The following RNF214 variants were observed in gnomAD, a reference collection of about 807,000 sequenced individuals.
RNF214 encodes ring finger protein 214.
In RNF214, 25 loss-of-function variants were observed where a neutral mutation model predicts 75.9. That is an observed-to-expected ratio of 0.33 (90% CI 0.24 to 0.46). The LOEUF is 0.46. Ranked by LOEUF, RNF214 falls within the 20% of genes least tolerant of loss-of-function variation. The probability of loss-of-function intolerance (pLI) is 1.00; values close to 1 mark genes in which losing one functional copy is unlikely to be tolerated. For synonymous variants in RNF214, 314 were observed against 308.8 expected (o/e 1.02, Z -0.18); for missense variants, 725 against 857.5 (o/e 0.85, Z 1.93).
At chr11:117,256,901 A>G (rs933155430) in intron 6 of RNF214, among the ~76,000 whole-genome samples, 1 of 152,168 alleles carries the variant, frequency 6.6e-6, no homozygotes, top group African/African-American at 2.4e-5. Flanking sequence ...TATCTTCTAG[A>G]TACGGGAAAT....
chr11:117,281,971 A>G lies in RNF214; in HGVS notation c.1413A>G (p.Thr471=), dbSNP rs775628723. 3 of 1,614,086 alleles carry G rather than the reference A, an allele frequency of 1.9e-6. No homozygotes were observed. The highest frequency in any genetic ancestry group is 1.7e-6 in the Non-Finnish European group (2 of 1,179,994). ...TGCCCTTCTCCATTGGGCAGGTCACAATGCCCATGGTTATGCCCAGTGCAG... is the reference window on the plus strand; with the variant it reads ...TGCCCTTCTCCATTGGGCAGGTCACGATGCCCATGGTTATGCCCAGTGCAG... The part of the protein sequence containing the change: ...PRMPFSIGQV[T]MPMVMPSADP... Residue 471 remains threonine, a synonymous_variant, in exon 11 of 15, where the codon ACA becomes ACG. Transcript: ENST00000300650.
At chr11:117,281,534 G>A in intron 9 of RNF214, 66 bp from the exon 10 acceptor site, 1 of 1,425,788 alleles carries the variant, frequency 7.0e-7, no homozygotes, top group Admixed American at 1.7e-5. Flanking sequence ...CCTGATAATG[G>A]ATGGTGCTGT....
chr11:117,239,041 G>A lies in RNF214; in HGVS notation c.548G>A (p.Gly183Glu), dbSNP rs1355117776. 2 of 1,614,150 alleles carry A rather than the reference G, an allele frequency of 1.2e-6. No individual in the cohort carries two copies. Among genetic ancestry groups the A allele is most frequent in the East Asian group, 4.5e-5 (2 of 44,894 alleles). The change falls in exon 3 of 15, where the codon GGA becomes GAA. Residue 183 changes from glycine (G) to glutamate (E), a missense_variant. Physicochemically the swap from Gly to Glu is moderately conservative, Grantham distance 98. This residue lies in a region of RNF214 where 362 missense variants were observed against 344.5 expected (regional missense o/e 1.05). Transcript: ENST00000300650. The stretch of plus-strand genomic sequence containing the variant: ...GTGTCTCCAGCAAATGGGGTTGAAG[G>A]AGTCCGAGTGGATCAGGATGATGAT... The part of the protein sequence containing the change: ...PVVSPANGVE[G>E]VRVDQDDDQD...
At chr11:117,242,575 G>A (rs1591819135) in intron 4 of RNF214, among the ~76,000 whole-genome samples, 2 of 152,200 alleles carry the variant, frequency 1.3e-5, no homozygotes, top group Admixed American at 6.5e-5. Context: ...CAGTGAGGCC[G>A]GGTGCAGTGG....
chr11:117,250,657 C>T (rs1265410065), intron 6 of RNF214, among the ~76,000 whole-genome samples: 2 of 131,978 alleles, frequency 1.5e-5, no homozygotes, highest in East Asian at 2.1e-4. Context: ...GGGTGTTTCT[C>T]GCAGAGGGGG....
intron 6 of RNF214, among the ~76,000 whole-genome samples, chr11:117,275,720 C>G (rs1202423918): frequency 2.0e-5 from 3 of 152,166 alleles, no homozygotes; most frequent in Non-Finnish European, 4.4e-5. Context: ...AGACCAATAG[C>G]AAGTAGTTTG....
At chr11:117,234,163 C>G in intron 1 of RNF214, 104 bp from the exon 2 acceptor site, 2 of 819,112 alleles carry the variant, frequency 2.4e-6, no homozygotes, top group Non-Finnish European at 4.0e-6. Flanking sequence ...TTTTGTGTTT[C>G]TTTACTGCGA....
chr11:117,233,745 C>T (rs560938663), intron 1 of RNF214, among the ~76,000 whole-genome samples: 1 of 152,306 alleles, frequency 6.6e-6, no homozygotes, highest in South Asian at 2.1e-4. Context: ...AGCACGCTGA[C>T]AGTAAAATAT....
At chr11:117,246,718 A>C (rs1001240979) in intron 5 of RNF214, 91 bp from the exon 6 acceptor site, 4 of 1,294,576 alleles carry the variant, frequency 3.1e-6, no homozygotes, top group African/African-American at 1.5e-5. Flanking sequence ...TCAATACGTG[A>C]ATTTGTGATA....
intron 6 of RNF214, among the ~76,000 whole-genome samples, chr11:117,263,293 T>G (rs1324444281): frequency 1.6e-5 from 2 of 122,288 alleles, no homozygotes; most frequent in Non-Finnish European, 3.2e-5. Context: ...AAACTTTTTT[T>G]TTTTTGAGAT....
intron 6 of RNF214, among the ~76,000 whole-genome samples, chr11:117,275,303 G>A (rs1322243878): frequency 6.6e-6 from 1 of 151,994 alleles, no homozygotes; most frequent in Non-Finnish European, 1.5e-5. Context: ...TCATCAAAAA[G>A]ACAGGTCACA....
chr11:117,269,070 G>A (rs1403393281), intron 6 of RNF214, among the ~76,000 whole-genome samples: 4 of 152,176 alleles, frequency 2.6e-5, no homozygotes, highest in Non-Finnish European at 5.9e-5. Flanking sequence ...CAGGGAAGGG[G>A]AGATGAAGGT....
At chr11:117,251,542 C>T (rs2033393175) in intron 6 of RNF214, among the ~76,000 whole-genome samples, 1 of 146,218 alleles carries the variant, frequency 6.8e-6, no homozygotes, top group African/African-American at 2.5e-5. Context: ...CCCCCCACCT[C>T]CCTCCCGGAC....
rs1455734442 is a variant in RNF214, at chr11:117,238,911, C to A, written c.418C>A (p.His140Asn). Residue 140 changes from histidine to asparagine, a missense_variant, in exon 3 of 15, where the codon CAT becomes AAT. By Grantham distance (68) the His-to-Asn change is moderately conservative (BLOSUM62 1). This residue lies in a region of RNF214 where 362 missense variants were observed against 344.5 expected (regional missense o/e 1.05). Transcript: ENST00000300650. ...CACTCGGTCTCTTAAGGCAGGGTGC[C>A]ATACTAAGCAGCTTGCCTCCAGGAA... is the stretch of plus-strand genomic sequence containing the variant. Reference protein sequence around the residue: ...PVTRSLKAGCHTKQLASRNCS... With the variant: ...PVTRSLKAGCNTKQLASRNCS... 6.2e-7 allele frequency: 1 copy of A among 1,614,132 alleles called. No individual in the cohort carries two copies. Among genetic ancestry groups the A allele is most frequent in the African/African-American group, 1.3e-5 (1 of 75,010 alleles).
Position 117,286,229 on chromosome 11 carries a change from A to C in RNF214, c.*1078A>C, listed in dbSNP as rs1030287597. ...AAATGGAGACCAAAGTGATATTAAG[A>C]AAGTAGTTTGGATTTCAAATTTATA... On this transcript the variant is annotated 3_prime_UTR_variant, in exon 15 of 15. Coordinates refer to ENST00000300650, the MANE Select transcript of RNF214 (RefSeq NM_207343.4). 2 of 152,572 alleles carry C rather than the reference A, an allele frequency of 1.3e-5. No homozygotes were observed. Among genetic ancestry groups the C allele is most frequent in the Non-Finnish European group, 2.9e-5 (2 of 68,034 alleles). The allele number at this position is 152,572 out of a possible 1,614,324, so 9.5% of individuals were successfully genotyped here.
At chr11:117,250,662 AGG>A (rs1430302944) in intron 6 of RNF214, among the ~76,000 whole-genome samples, 7 of 136,840 alleles carry the variant, frequency 5.1e-5, no homozygotes, top group African/African-American at 1.6e-4. Context: ...TTTCTCGCAG[AGG>A]GGGATTTGGC....
chr11:117,247,632 C>T (rs2033260553), intron 6 of RNF214, among the ~76,000 whole-genome samples: 1 of 152,148 alleles, frequency 6.6e-6, no homozygotes, highest in Non-Finnish European at 1.5e-5. Flanking sequence ...GCAGGTGGAT[C>T]ACGAGGTCAG....
chr11:117,237,914 T>C (rs911722891), intron 2 of RNF214, among the ~76,000 whole-genome samples: 1 of 152,168 alleles, frequency 6.6e-6, no homozygotes, highest in Non-Finnish European at 1.5e-5. Context: ...AAATTATTCC[T>C]GTGAAAGGTG....
At chr11:117,256,171 C>T (rs764199234) in intron 6 of RNF214, among the ~76,000 whole-genome samples, 29 of 152,166 alleles carry the variant, frequency 1.9e-4, no homozygotes, top group Non-Finnish European at 4.0e-4. Flanking sequence ...ATAGCTAATC[C>T]TCCTCTTCAC....
Sources: gnomAD v4.1 joint callset for allele counts (sites outside exome capture counted in the v4.1 genomes callset) on GRCh38, gnomAD v4.1.1 for gene constraint, gnomAD v4.1.1 regional missense constraint, MANE v1.5 for transcripts, NCBI Gene and HGNC (gene_info 2026-07-23, HGNC 2026-07-21) for gene names.